P2RX1: variants seen among roughly 807,000 people sequenced by gnomAD.
P2RX1 encodes the protein P2X purinoceptor 1.
P2RX1 carries 42 observed loss-of-function variants against 50.3 expected under a neutral mutation model. The observed-to-expected ratio is 0.83, with a 90% CI of 0.65 to 1.08. The LOEUF (loss-of-function observed/expected upper bound fraction) is 1.08, where lower values mean the gene tolerates loss of function less well. Ranked by LOEUF, P2RX1 falls within the 50% of genes least tolerant of loss-of-function variation. P2RX1 has a pLI of 0.00. For missense variants in P2RX1, 449 were observed against 529.0 expected (o/e 0.85, Z 1.48); for synonymous variants, 199 against 202.6 (o/e 0.98, Z 0.15).
At chr17:3,911,424 C>T (rs12946584) in intron 1 of P2RX1, among the ~76,000 whole-genome samples, 27,412 of 152,198 alleles carry the variant, frequency 0.18, 2,831 homozygotes, top group East Asian at 0.26. Flanking sequence ...CCAGGTGTTA[C>T]GTGCTGCGGC....
intron 1 of P2RX1, among the ~76,000 whole-genome samples, chr17:3,908,704 C>A (rs1326894978): frequency 1.3e-5 from 2 of 152,224 alleles, no homozygotes; most frequent in Non-Finnish European, 2.9e-5. Context: ...TCAGAAGCCT[C>A]TCCCCTTCCA....
At chr17:3,902,024 C>T (rs952864952) in intron 7 of P2RX1, among the ~76,000 whole-genome samples, 1 of 152,212 alleles carries the variant, frequency 6.6e-6, no homozygotes, top group Non-Finnish European at 1.5e-5. Flanking sequence ...GTTCTGCGCT[C>T]ATAGGGACTG....
rs1194127866 is a variant in P2RX1 at position 3,898,010 on chromosome 17, G to A, written c.1133C>T (p.Ala378Val). 4.3e-6 allele frequency: 7 copies of A among 1,613,124 alleles called. No homozygotes were observed. Among genetic ancestry groups the A allele is most frequent in the Admixed American group, 1.7e-5 (1 of 59,952 alleles). The change falls in exon 11 of 12, where the codon GCG becomes GTG. Residue 378 changes from alanine (A) to valine (V), a missense_variant and splice_region_variant. By Grantham distance (64) the Ala-to-Val change is moderately conservative. Coordinates refer to ENST00000225538, the MANE Select transcript of P2RX1 (RefSeq NM_002558.4). The part of the protein sequence containing the change: ...FKYAEDMGPG[A>V]AERDLAATSS... ...GCCTGGCTCGGGGGGTTCTCTTACC[G>A]CCCCTGGCCCCATGTCCTCAGCGTA...
chr17:3,904,514 C>T, intron 3 of P2RX1, 115 bp from the exon 4 acceptor site: 1 of 892,130 alleles, frequency 1.1e-6, no homozygotes, highest in Non-Finnish European at 1.8e-6. Context: ...TCAGACCTCT[C>T]TGGAGTGACG....
rs200490887 is a variant in P2RX1, at chr17:3,904,024, C to T, written c.428G>A (p.Gly143Asp). ...GGCCACACACTTGCCCGTGCGGATG[C>T]CTGGAGCCAGAGGGAAACCCCTGGG... ...TPGKAKRKAQ[G>D]IRTGKCVAFN... is the part of the protein sequence containing the mutation. Residue 143 changes from glycine to aspartate, a missense_variant and splice_region_variant, in exon 5 of 12, where the codon GGC becomes GAC. Physicochemically the swap from Gly to Asp is moderately conservative, Grantham distance 94 (BLOSUM62 -1). Transcript: ENST00000225538. The T allele has an allele frequency of 4.2e-5, 68 of 1,613,706 alleles. No individual in the cohort carries two copies. Among genetic ancestry groups the T allele is most frequent in the Non-Finnish European group, 5.5e-5 (65 of 1,179,722 alleles).
intron 1 of P2RX1, among the ~76,000 whole-genome samples, chr17:3,910,454 C>G (rs1257505104): frequency 6.6e-6 from 1 of 152,236 alleles, no homozygotes; most frequent in Non-Finnish European, 1.5e-5. Context: ...CAGCCACCCT[C>G]CCCATCATGC....
Position 3,897,470 on chromosome 17 carries a change from G to A in P2RX1, c.*344C>T, listed in dbSNP as rs147231576. ...ACTGACTGCCACATCGGAGAGCACAGATCTAGAGAAATGGAGGCAGCGGGT... is the reference window on the plus strand; with the variant it reads ...ACTGACTGCCACATCGGAGAGCACAAATCTAGAGAAATGGAGGCAGCGGGT... On this transcript the variant is annotated 3_prime_UTR_variant, in exon 12 of 12. Coordinates refer to ENST00000225538, the MANE Select transcript of P2RX1 (RefSeq NM_002558.4). 2.3e-6 allele frequency: 1 copy of A among 442,188 alleles called. No individual in the cohort carries two copies. The highest frequency in any genetic ancestry group is 4.3e-5 in the East Asian group (1 of 23,042). The allele number at this position is 442,188 out of a possible 1,614,324, so 27.4% of individuals were successfully genotyped here. A position where few individuals can be genotyped will look rare whatever the true frequency, so the allele number is the denominator to read the frequency against.
rs752783200 is a variant in P2RX1 at position 3,903,535 on chromosome 17, C to T, written c.605+16G>A. On this transcript the variant is annotated intron_variant, in intron 6 of 11. Transcript: ENST00000225538. The surrounding 1 kb of genome is among the most constrained non-coding windows in gnomAD (Gnocchi z 4.6). ...CCGGCCAGCTGCCTGCATTTCTGCC[C>T]GAATTTCCCACGCACCTGTTGACCT... 6.2e-6 allele frequency: 10 copies of T among 1,613,616 alleles called. No homozygotes were observed. The highest frequency in any genetic ancestry group is 2.2e-5 in the East Asian group (1 of 44,882).
At chr17:3,899,341 T>A (rs2056093507) in intron 8 of P2RX1, among the ~76,000 whole-genome samples, 1 of 148,574 alleles carries the variant, frequency 6.7e-6, no homozygotes, top group Non-Finnish European at 1.5e-5. Flanking sequence ...ATGCCTTGAT[T>A]ACAGGTGTGG....
intron 7 of P2RX1, among the ~76,000 whole-genome samples, chr17:3,902,614 T>G (rs1457598304): frequency 6.6e-6 from 1 of 150,744 alleles, no homozygotes; most frequent in East Asian, 2.0e-4. Flanking sequence ...TTTTTGTTTT[T>G]TTTTTGTTTT....
intron 1 of P2RX1, among the ~76,000 whole-genome samples, chr17:3,905,950 C>T (rs939039280): frequency 6.6e-6 from 1 of 152,184 alleles, no homozygotes; most frequent in African/African-American, 2.4e-5. Context: ...GAGGCCAAGC[C>T]TCCTCCTTCC....
chr17:3,897,399 G>C lies in P2RX1; in HGVS notation c.*415C>G. The C allele has an allele frequency of 3.6e-6, 1 of 279,066 alleles. No individual in the cohort carries two copies. The highest frequency in any genetic ancestry group is 8.1e-5 in the East Asian group (1 of 12,368). 17.3% of individuals were successfully genotyped at this position (279,066 alleles called of 1,614,324 possible). A position where few individuals can be genotyped will look rare whatever the true frequency, so the allele number is the denominator to read the frequency against. On this transcript the variant is annotated 3_prime_UTR_variant, in exon 12 of 12. Transcript: ENST00000225538. Reference sequence around the variant, plus strand: ...TAGTTCAGCCGAGGAATTGAATTTTGTGTTTCATTCTATTTTATTTTAGTT... The same window carrying C: ...TAGTTCAGCCGAGGAATTGAATTTTCTGTTTCATTCTATTTTATTTTAGTT...
intron 2 of P2RX1, 73 bp downstream of exon 2, chr17:3,905,147 G>A: frequency 1.3e-6 from 2 of 1,562,656 alleles, no homozygotes; most frequent in Admixed American, 1.7e-5. Context: ...GTCCCACAGG[G>A]ACGTGGGACA....
chr17:3,903,693 GAGCTTGGCACAGCA>G lies in P2RX1; in HGVS notation c.525-76_525-63del. 1 of 1,557,892 alleles carries G rather than the reference GAGCTTGGCACAGCA, an allele frequency of 6.4e-7. No individual in the cohort carries two copies. The highest frequency in any genetic ancestry group is 8.8e-7 in the Non-Finnish European group (1 of 1,131,130). ...GGAGGCCCCCTGTGTGTCCCACACA[GAGCTTGGCACAGCA>G]GGGGGTGGGCCGAGCCTCCGGGACC... is the stretch of plus-strand genomic sequence containing the variant. On this transcript the variant is annotated intron_variant, in intron 5 of 11. Transcript: ENST00000225538. This position sits in a 1 kb window ranked among gnomAD's most constrained non-coding sequence, Gnocchi z 4.6.
chr17:3,915,936 G>C (rs1169698056), intron 1 of P2RX1, 153 bp downstream of exon 1: 1 of 959,960 alleles, frequency 1.0e-6, no homozygotes, highest in Non-Finnish European at 1.6e-6. Flanking sequence ...GAGTTGGCAG[G>C]ATTTTCTATT....
chr17:3,912,434 G>A (rs1429373415), intron 1 of P2RX1, among the ~76,000 whole-genome samples: 2 of 151,928 alleles, frequency 1.3e-5, no homozygotes, highest in African/African-American at 4.8e-5. Flanking sequence ...AAGTTCAATC[G>A]ATTCTCCTGC....
intron 7 of P2RX1, among the ~76,000 whole-genome samples, chr17:3,902,320 G>A (rs2056164451): frequency 6.6e-6 from 1 of 150,406 alleles, no homozygotes; most frequent in African/African-American, 2.5e-5. Flanking sequence ...TTTTGACAGA[G>A]TCTTGCTCTG....
Position 3,916,378 on chromosome 17 carries a change from G to T in P2RX1, c.-153C>A. 3 of 799,366 alleles carry T rather than the reference G, an allele frequency of 3.8e-6. No homozygotes were observed. The South Asian group carries it at 5.2e-5, about 14-fold the overall frequency. 49.5% of individuals were successfully genotyped at this position (799,366 alleles called of 1,614,324 possible). A position where few individuals can be genotyped will look rare whatever the true frequency, so the allele number is the denominator to read the frequency against. On this transcript the variant is annotated 5_prime_UTR_variant, in exon 1 of 12. Coordinates refer to ENST00000225538, the MANE Select transcript of P2RX1 (RefSeq NM_002558.4). ...CGGTGCAGGTGGAGCCAGAGGACAG[G>T]AGCCAGAGGTCAGCTGGAGGCACTT... is the stretch of plus-strand genomic sequence containing the variant.
Position 3,903,493 on chromosome 17 carries a change from G to A in P2RX1, c.605+58C>T. 6.3e-7 allele frequency: 1 copy of A among 1,593,266 alleles called. No homozygotes were observed. Among genetic ancestry groups the A allele is most frequent in the Non-Finnish European group, 8.6e-7 (1 of 1,161,942 alleles). ...AATGGAGGGAGACAGAGACAGCTGA[G>A]AGCTGCCGGAGCGGCCCCGGCCAGC... On this transcript the variant is annotated intron_variant, in intron 6 of 11. Coordinates refer to ENST00000225538, the MANE Select transcript of P2RX1 (RefSeq NM_002558.4). The surrounding 1 kb of genome is among the most constrained non-coding windows in gnomAD (Gnocchi z 4.6).
Sources: gnomAD v4.1 joint callset for allele counts (sites outside exome capture counted in the v4.1 genomes callset) on GRCh38, gnomAD v4.1.1 for gene constraint, Gnocchi (gnomAD v3.1) non-coding constraint, MANE v1.5 for transcripts, NCBI Gene and HGNC (gene_info 2026-07-23, HGNC 2026-07-21) for gene names.